The following PRTN3 variants were observed in gnomAD, a reference collection of about 807,000 sequenced individuals.
PRTN3 encodes the protein proteinase 3.
A neutral mutation model predicts 20.7 loss-of-function variants in PRTN3; 22 were observed. That is an observed-to-expected ratio of 1.06 (90% CI 0.76 to 1.52). The LOEUF (loss-of-function observed/expected upper bound fraction) is 1.52. Among genes scored for constraint, PRTN3 ranks in the 40% most tolerant of loss-of-function variants. PRTN3 has a pLI of 0.00. For synonymous variants in PRTN3, 173 were observed against 152.9 expected (o/e 1.13, Z -0.97); for missense variants, 378 against 359.6 (o/e 1.05, Z -0.41).
Position 844,052 on chromosome 19 carries a change from C to G in PRTN3, c.369+18C>G. On this transcript the variant is annotated intron_variant, in intron 3 of 4. Transcript: ENST00000234347. ...TCATCCAGGTGGGCGGGCAGGGCCGCGAGGGCTCGGAGGGGCACGGCCAGA... is the reference window on the plus strand; with the variant it reads ...TCATCCAGGTGGGCGGGCAGGGCCGGGAGGGCTCGGAGGGGCACGGCCAGA... The G allele has an allele frequency of 6.3e-7, 1 of 1,593,026 alleles. No homozygotes were observed. Among genetic ancestry groups the G allele is most frequent in the Non-Finnish European group, 8.5e-7 (1 of 1,170,030 alleles).
intron 1 of PRTN3, among the ~76,000 whole-genome samples, chr19:841,780 T>G (rs2035444449): frequency 7.5e-6 from 1 of 132,998 alleles, no homozygotes; most frequent in African/African-American, 2.9e-5. Context: ...CAGGCTGGAG[T>G]GCAGTGGCGC....
chr19:843,704 C>G, intron 2 of PRTN3, 78 bp downstream of exon 2: 2 of 1,494,886 alleles, frequency 1.3e-6, no homozygotes, highest in South Asian at 2.6e-5. Context: ...TGTCCCTCTG[C>G]CCGGGGAGGA....
chr19:844,178 C>A, intron 3 of PRTN3, 144 bp downstream of exon 3: 1 of 1,079,522 alleles, frequency 9.3e-7, no homozygotes, highest in Non-Finnish European at 1.3e-6. Context: ...GTGGCACTGG[C>A]CGGGGGAGAC....
chr19:843,224 T>A, intron 1 of PRTN3: 1 of 543,970 alleles, frequency 1.8e-6, no homozygotes, highest in South Asian at 2.5e-5. Context: ...CCACCTGGTC[T>A]GCGTCTTAAA....
intron 4 of PRTN3, 67 bp from the exon 5 acceptor site, chr19:847,732 G>A: frequency 6.6e-7 from 1 of 1,518,476 alleles, no homozygotes; most frequent in Non-Finnish European, 8.9e-7. Context: ...TGGGTGACTG[G>A]CCGTCCCCAT....
intron 3 of PRTN3, among the ~76,000 whole-genome samples, chr19:844,640 C>G (rs1489220287): frequency 6.6e-6 from 1 of 150,398 alleles, no homozygotes; most frequent in Non-Finnish European, 1.5e-5. Flanking sequence ...ACAGCCCTCC[C>G]CGATTCACTG....
chr19:843,347 T>C (rs2035468512), intron 1 of PRTN3, 114 bp from the exon 2 acceptor site: 2 of 1,193,438 alleles, frequency 1.7e-6, no homozygotes, highest in Non-Finnish European at 2.3e-6. Flanking sequence ...CAGCAGGCAC[T>C]GACCGGGTTG....
At chr19:847,553 G>A (rs200587117) in intron 4 of PRTN3, among the ~76,000 whole-genome samples, 497 of 115,864 alleles carry the variant, frequency 4.3e-3, no homozygotes, top group Non-Finnish European at 5.4e-3. Context: ...GAAAGAAAAA[G>A]AAAGAGAGAG....
chr19:847,569 G>C lies in PRTN3; in HGVS notation c.601-230G>C, dbSNP rs568107181. 6.6e-3 allele frequency among the ~76,000 whole-genome samples: 1,010 copies of C among 152,114 alleles called. 12 individuals carry two copies. Among genetic ancestry groups the C allele is most frequent in the African/African-American group, 0.024 (980 of 41,494 alleles). On this transcript the variant is annotated intron_variant, in intron 4 of 4. Transcript: ENST00000234347. ...AAAGAAAAAGAAAGAGAGAGAGAGA[G>C]AGAGAGAGAGAGAAAGAAAGAAAGA...
intron 3 of PRTN3, 53 bp downstream of exon 3, chr19:844,087 G>A: frequency 6.5e-7 from 1 of 1,539,392 alleles, no homozygotes; most frequent in Non-Finnish European, 8.8e-7. Context: ...AGGGCTCCGG[G>A]ACCCCCATTC....
At chr19:847,254 C>G (rs1043434139) in intron 4 of PRTN3, among the ~76,000 whole-genome samples, 4 of 152,068 alleles carry the variant, frequency 2.6e-5, no homozygotes, top group Admixed American at 1.3e-4. Flanking sequence ...TTGCAGTGAG[C>G]TATGATTGTG....
intron 1 of PRTN3, among the ~76,000 whole-genome samples, chr19:842,032 T>A (rs930759865): frequency 6.6e-6 from 1 of 151,336 alleles, no homozygotes; most frequent in Non-Finnish European, 1.5e-5. Flanking sequence ...TGGCCCTTTT[T>A]TTTTCTTTTT....
rs1274275832 is a variant in PRTN3, at chr19:847,867, A to G, written c.669A>G (p.Gly223=). 6.2e-7 allele frequency: 1 copy of G among 1,608,144 alleles called. No individual in the cohort carries two copies. Among genetic ancestry groups the G allele is most frequent in the African/African-American group, 1.3e-5 (1 of 74,864 alleles). ...IQGIDSFVIW[G]CATRLFPDFF... is the part of the protein sequence containing the mutation. ...GAATAGACTCCTTCGTGATCTGGGGATGTGCCACCCGCCTTTTCCCTGACT... is the reference window on the plus strand; with the variant it reads ...GAATAGACTCCTTCGTGATCTGGGGGTGTGCCACCCGCCTTTTCCCTGACT... The change falls in exon 5 of 5, where the codon GGA becomes GGG. Residue 223 remains glycine, a synonymous_variant. Transcript: ENST00000234347.
chr19:846,398 C>G, intron 4 of PRTN3, 21 bp downstream of exon 4: 1 of 1,544,472 alleles, frequency 6.5e-7, no homozygotes, highest in Non-Finnish European at 8.7e-7. Context: ...GTGCCCCCAC[C>G]CCGGGCACCG....
rs753176736 is a variant in PRTN3 at position 843,458 on chromosome 19, C to T, written c.62-3C>T. On this transcript the variant is annotated splice_polypyrimidine_tract_variant and splice_region_variant and intron_variant, in intron 1 of 4. Transcript: ENST00000234347. ...CCCTGACGCCTGGACTCCCCCCCTGCAGGTGCTGCCCGAGCTGCGGAGATC... is the reference window on the plus strand; with the variant it reads ...CCCTGACGCCTGGACTCCCCCCCTGTAGGTGCTGCCCGAGCTGCGGAGATC... 3.2e-6 allele frequency: 5 copies of T among 1,557,024 alleles called. No individual in the cohort carries two copies. Among genetic ancestry groups the T allele is most frequent in the Admixed American group, 1.9e-5 (1 of 54,016 alleles).
chr19:843,755 G>T (rs2035476606), intron 2 of PRTN3, 129 bp downstream of exon 2: 1 of 1,449,406 alleles, frequency 6.9e-7, no homozygotes, highest in Admixed American at 2.5e-5. Context: ...CCCCGCGCGC[G>T]TGGGCAGTTC....
rs556117605 is a variant in PRTN3 at position 847,706 on chromosome 19, C to G, written c.601-93C>G. The G allele has an allele frequency of 7.6e-6, 11 of 1,442,180 alleles. No individual in the cohort carries two copies. The African/African-American group carries it at 9.9e-5, about 13-fold the overall frequency. The allele number at this position is 1,442,180 out of a possible 1,614,324, so 89.3% of individuals were successfully genotyped here. On this transcript the variant is annotated intron_variant, in intron 4 of 4. Coordinates refer to ENST00000234347, the MANE Select transcript of PRTN3 (RefSeq NM_002777.4). ...TGGCTGTCCCCATCCTCCCGGGAGA[C>G]TCAGGTGGCCCCTGATGGGTGACTG...
chr19:842,023 G>A (rs971896887), intron 1 of PRTN3, among the ~76,000 whole-genome samples: 2 of 116,188 alleles, frequency 1.7e-5, no homozygotes, highest in African/African-American at 6.4e-5. Flanking sequence ...CACCGCGCCT[G>A]GCCCTTTTTT....
chr19:842,062 G>C (rs943395833), intron 1 of PRTN3, among the ~76,000 whole-genome samples: 18 of 151,398 alleles, frequency 1.2e-4, no homozygotes, highest in African/African-American at 4.1e-4. Flanking sequence ...ATCTTGCTCT[G>C]TCGCCCAGGC....
Sources: allele counts gnomAD v4.1 joint callset (sites outside exome capture counted in the v4.1 genomes callset), GRCh38; gene constraint gnomAD v4.1.1; transcripts MANE v1.5; gene names NCBI Gene and HGNC (gene_info 2026-07-23, HGNC 2026-07-21).